Variants in RHOT1 observed in about 807,000 individuals in gnomAD.
RHOT1 encodes the protein mitochondrial Rho GTPase 1.
Under a neutral mutation model 95.3 loss-of-function variants are expected in RHOT1, and 27 were observed. The ratio of observed to expected loss-of-function variants is 0.28; its 90% CI spans 0.21 to 0.39. RHOT1 has a LOEUF of 0.39. RHOT1 is among the 10% of genes least tolerant of loss of function. The pLI, the probability that RHOT1 is intolerant of heterozygous loss-of-function variation, is 1.00. For synonymous variants in RHOT1, 227 were observed against 263.5 expected, an observed-to-expected ratio of 0.86 and a Z score of 1.34; for missense variants, 578 against 786.7, an observed-to-expected ratio of 0.73 and a Z score of 3.17.
intron 8 of RHOT1, among the ~76,000 whole-genome samples, chr17:32,183,523 C>A (rs2035799287): frequency 6.6e-6 from 1 of 152,120 alleles, no homozygotes; most frequent in Non-Finnish European, 1.5e-5. Flanking sequence ...CAAGAATTGG[C>A]AACAATAACA....
chr17:32,183,023 CTCTT>C (rs2035762591), intron 7 of RHOT1, 144 bp from the exon 8 acceptor site: 2 of 743,036 alleles, frequency 2.7e-6, no homozygotes, highest in Non-Finnish European at 4.3e-6. Context: ...GGCCTCTGAA[CTCTT>C]TCTAGACATT....
Position 32,225,461 on chromosome 17 carries a change from A to C in RHOT1, c.*728A>C, listed in dbSNP as rs1374872866. 1 of 152,566 alleles carries C rather than the reference A, an allele frequency of 6.6e-6. No individual in the cohort carries two copies. The highest frequency in any genetic ancestry group is 1.5e-5 in the Non-Finnish European group (1 of 67,992). The allele number at this position is 152,566 out of a possible 1,614,324, so 9.5% of individuals were successfully genotyped here. ...TAAAAAAAAAATTTGTATATTACCA[A>C]TGTTTTTAGTTTAAATAAAGAGTCA... is the stretch of plus-strand genomic sequence containing the variant. On this transcript the variant is annotated 3_prime_UTR_variant, in exon 20 of 20. Coordinates refer to ENST00000545287, the MANE Select transcript of RHOT1 (RefSeq NM_001033566.3).
At chr17:32,182,710 T>G (rs772333272) in intron 6 of RHOT1, 47 bp from the exon 7 acceptor site, 1 of 1,069,444 alleles carries the variant, frequency 9.4e-7, no homozygotes, top group South Asian at 1.5e-5. Context: ...AAATATAAAT[T>G]TAATGTCTTT....
rs780163682 is a variant in RHOT1 at position 32,198,934 on chromosome 17, A to AT, written c.870-7dup. 9.6e-6 allele frequency: 15 copies of AT among 1,559,914 alleles called. No individual in the cohort carries two copies. Among genetic ancestry groups the AT allele is most frequent in the Non-Finnish European group, 1.3e-5 (15 of 1,141,204 alleles). On this transcript the variant is annotated splice_polypyrimidine_tract_variant and intron_variant, in intron 11 of 19. Transcript: ENST00000545287. ...GATTAATGATTTATTTTACTCTTGA[A>AT]TTTTTTCAACAGGCTGAAAATACCT...
chr17:32,171,172 T>G lies in RHOT1; in HGVS notation c.96+71T>G, dbSNP rs202002440. The G allele has an allele frequency of 2.9e-4, 306 of 1,073,506 alleles. 2 individuals are homozygous for G. The East Asian group carries it at 8.0e-3, about 28-fold the overall frequency. The allele number at this position is 1,073,506 out of a possible 1,614,324, so 66.5% of individuals were successfully genotyped here. ...AATCAAATTAAAATGAACTGAATTC[T>G]GTCTCTTTTGGCATGTGTTATGTGC... On this transcript the variant is annotated intron_variant, in intron 2 of 19. Coordinates refer to ENST00000545287, the MANE Select transcript of RHOT1 (RefSeq NM_001033566.3).
rs374899042 is a variant in RHOT1 at position 32,202,910 on chromosome 17, C to G, written c.1332+10C>G. ...TGGAAGAAACTTAATGGTGAGAGTT[C>G]TCGTAAAATACAATTTTATCCAACA... On this transcript the variant is annotated intron_variant, in intron 15 of 19. Coordinates refer to ENST00000545287, the MANE Select transcript of RHOT1 (RefSeq NM_001033566.3). The G allele has an allele frequency of 1.1e-5, 17 of 1,604,782 alleles. No individual in the cohort carries two copies. The African/African-American group carries it at 1.6e-4, about 15-fold the overall frequency.
intron 1 of RHOT1, among the ~76,000 whole-genome samples, chr17:32,147,948 G>A (rs962827717): frequency 6.6e-6 from 1 of 152,074 alleles, no homozygotes; most frequent in Non-Finnish European, 1.5e-5. Context: ...GCCCACTTCT[G>A]ATGCGTGTAG....
chr17:32,211,084 C>A, intron 18 of RHOT1, 32 bp from the exon 19 acceptor site: 1 of 1,568,418 alleles, frequency 6.4e-7, no homozygotes, highest in Admixed American at 1.7e-5. Flanking sequence ...TAAGTAAGAA[C>A]TCAACTCCTG....
At chr17:32,146,710 G>A (rs568201670) in intron 1 of RHOT1, among the ~76,000 whole-genome samples, 8 of 144,738 alleles carry the variant, frequency 5.5e-5, no homozygotes, top group African/African-American at 1.8e-4. Context: ...TGCCTTCCTC[G>A]GCCTCCCAAA....
intron 14 of RHOT1, among the ~76,000 whole-genome samples, chr17:32,202,267 GT>G (rs1368476958): frequency 1.3e-5 from 2 of 152,156 alleles, no homozygotes; most frequent in Non-Finnish European, 1.5e-5. Context: ...ATACAGCATT[GT>G]TTTCTGGCAT....
intron 1 of RHOT1, among the ~76,000 whole-genome samples, chr17:32,160,764 C>G (rs1451865586): frequency 3.3e-5 from 5 of 152,230 alleles, no homozygotes; most frequent in Non-Finnish European, 5.9e-5. Flanking sequence ...TGGCTGTGCA[C>G]AGAGGTCAGA....
intron 1 of RHOT1, among the ~76,000 whole-genome samples, chr17:32,152,875 C>T (rs753940073): frequency 1.3e-5 from 2 of 151,826 alleles, no homozygotes; most frequent in Non-Finnish European, 2.9e-5. Context: ...GTGATCATGG[C>T]TCACTGTAGC....
chr17:32,196,293 C>T (rs2036884436), intron 11 of RHOT1, among the ~76,000 whole-genome samples: 1 of 151,686 alleles, frequency 6.6e-6, no homozygotes, highest in Admixed American at 6.6e-5. Flanking sequence ...TGGGCCCAAG[C>T]AATCATCCCA....
At chr17:32,153,498 A>G (rs1475621917) in intron 1 of RHOT1, among the ~76,000 whole-genome samples, 2 of 152,182 alleles carry the variant, frequency 1.3e-5, no homozygotes, top group Non-Finnish European at 2.9e-5. Context: ...ATCTGTACAA[A>G]CAATTTTTAA....
At chr17:32,210,742 CT>C (rs2038074187) in intron 18 of RHOT1, among the ~76,000 whole-genome samples, 2 of 151,998 alleles carry the variant, frequency 1.3e-5, no homozygotes, top group Admixed American at 6.6e-5. Context: ...AAACTTTGTC[CT>C]TTTGGTGGGT....
chr17:32,182,782 A>G lies in RHOT1; in HGVS notation c.355A>G (p.Lys119Glu). 6.2e-7 allele frequency: 1 copy of G among 1,604,634 alleles called. No homozygotes were observed. Among genetic ancestry groups the G allele is most frequent in the Non-Finnish European group, 8.5e-7 (1 of 1,174,628 alleles). ...SRLPLILVGN[K>E]SDLVEYSSME... ...GCTGCCTTTAATATTGGTTGGGAACAAATCTGATCTGGTGGAATATAGTAG... is the reference window on the plus strand; with the variant it reads ...GCTGCCTTTAATATTGGTTGGGAACGAATCTGATCTGGTGGAATATAGTAG... Residue 119 changes from lysine (K) to glutamate (E), a missense_variant, in exon 7 of 20, where the codon AAA becomes GAA. Lys to Glu is a moderately conservative substitution (Grantham distance 56). This residue lies in a region of RHOT1 where 227 missense variants were observed against 316.0 expected (regional missense o/e 0.72). Coordinates refer to ENST00000545287, the MANE Select transcript of RHOT1 (RefSeq NM_001033566.3).
At chr17:32,192,626 GA>G (rs2036572886) in intron 9 of RHOT1, among the ~76,000 whole-genome samples, 1 of 150,928 alleles carries the variant, frequency 6.6e-6, no homozygotes, top group South Asian at 2.1e-4. Flanking sequence ...AGGATGGAGG[GA>G]GTTGGGAATG....
intron 1 of RHOT1, chr17:32,150,418 T>C (rs1325153359): frequency 1.8e-6 from 1 of 563,798 alleles, no homozygotes; most frequent in African/African-American, 1.9e-5. Context: ...CCATATTTAT[T>C]AGTACTCTAG....
At chr17:32,169,536 A>T (rs1039579042) in intron 1 of RHOT1, among the ~76,000 whole-genome samples, 3 of 152,238 alleles carry the variant, frequency 2.0e-5, no homozygotes, top group Non-Finnish European at 4.4e-5. Context: ...GAATGTAGAG[A>T]TGCAGAGAAA....
Sources: allele counts gnomAD v4.1 joint callset (sites outside exome capture counted in the v4.1 genomes callset), GRCh38; gene constraint gnomAD v4.1.1; regional missense constraint gnomAD v4.1.1; transcripts MANE v1.5; gene names NCBI Gene and HGNC (gene_info 2026-07-23, HGNC 2026-07-21).